The following NOTCH3 variants were observed in gnomAD, a reference collection of about 807,000 sequenced individuals.
NOTCH3 encodes neurogenic locus notch homolog protein 3.
NOTCH3 carries 86 observed loss-of-function variants against 213.3 expected under a neutral mutation model. The ratio of observed to expected loss-of-function variants is 0.40; its 90% CI spans 0.34 to 0.48. The LOEUF is 0.48. Ranked by LOEUF, NOTCH3 falls within the 20% of genes least tolerant of loss-of-function variation. NOTCH3 has a pLI of 0.57. For synonymous variants in NOTCH3, 1,354 were observed against 1,355.9 expected (o/e 1.00, Z 0.03); for missense variants, 2,783 against 3,272.6 (o/e 0.85, Z 3.65).
chr19:15,183,122 T>C (rs2046853303), intron 16 of NOTCH3, among the ~76,000 whole-genome samples: 1 of 152,034 alleles, frequency 6.6e-6, no homozygotes, highest in Non-Finnish European at 1.5e-5. Context: ...AGGCATGTAG[T>C]GAGTGCCTGT....
At chr19:15,184,530 C>G (rs2046865867) in intron 15 of NOTCH3, 80 bp from the exon 16 acceptor site, 2 of 1,441,184 alleles carry the variant, frequency 1.4e-6, no homozygotes. Flanking sequence ...CAGGAAGAAC[C>G]TGCAGGCCGA....
intron 5 of NOTCH3, 28 bp downstream of exon 5, chr19:15,191,717 C>G: frequency 1.2e-6 from 2 of 1,613,692 alleles, no homozygotes; most frequent in Non-Finnish European, 1.7e-6. Flanking sequence ...AGGCCTGCCT[C>G]CCCGCTCCCT....
At chr19:15,186,726 C>T in intron 12 of NOTCH3, 152 bp downstream of exon 12, 1 of 731,294 alleles carries the variant, frequency 1.4e-6, no homozygotes. Flanking sequence ...CTCGAAACAA[C>T]CTTATGCCAA....
chr19:15,177,497 G>C (rs761439651), intron 24 of NOTCH3, 28 bp downstream of exon 24: 1 of 1,593,700 alleles, frequency 6.3e-7, no homozygotes, highest in African/African-American at 1.3e-5. Flanking sequence ...TGCATAGACA[G>C]ACGGATCGAT....
Position 15,181,728 on chromosome 19 carries a change from G to C in NOTCH3, c.2640C>G (p.Ala880=). 6.4e-7 allele frequency: 1 copy of C among 1,572,660 alleles called. No individual in the cohort carries two copies. Among genetic ancestry groups the C allele is most frequent in the South Asian group, 1.2e-5 (1 of 85,744 alleles). ...SFSCSCLPGF[A]GPRCARDVDE... ...CCACATCGCGGGCGCATCGTGGGCCGGCGAAACCAGGGAGGCAGGAGCAGG... is the reference window on the plus strand; with the variant it reads ...CCACATCGCGGGCGCATCGTGGGCCCGCGAAACCAGGGAGGCAGGAGCAGG... The change falls in exon 17 of 33, where the codon GCC becomes GCG. Residue 880 remains alanine, a synonymous_variant. Transcript: ENST00000263388.
At chr19:15,197,738 C>A (rs940544338) in intron 1 of NOTCH3, among the ~76,000 whole-genome samples, 160 bp from the exon 2 acceptor site, 50 of 69,244 alleles carry the variant, frequency 7.2e-4, no homozygotes, top group African/African-American at 1.9e-3. Context: ...TCCCACGCCC[C>A]CCCCCCCCCC....
Position 15,165,710 on chromosome 19 carries a change from G to C in NOTCH3, c.5667+77C>G, listed in dbSNP as rs1400041596. ...CAAATGAGAAAAAATGAGTCTGAAAGGCAGAACTGGGGCTCAAACCCAGGT... is the reference window on the plus strand; with the variant it reads ...CAAATGAGAAAAAATGAGTCTGAAACGCAGAACTGGGGCTCAAACCCAGGT... On this transcript the variant is annotated intron_variant, in intron 30 of 32. Coordinates refer to ENST00000263388, the MANE Select transcript of NOTCH3 (RefSeq NM_000435.3). This position sits in a 1 kb window ranked among gnomAD's most constrained non-coding sequence, Gnocchi z 4.7. The C allele has an allele frequency of 7.2e-6, 11 of 1,534,776 alleles. No homozygotes were observed. The highest frequency in any genetic ancestry group is 9.8e-6 in the Non-Finnish European group (11 of 1,125,548).
At chr19:15,176,159 A>ATTTTTTTT (rs34620350) in intron 24 of NOTCH3, among the ~76,000 whole-genome samples, 1 of 119,980 alleles carries the variant, frequency 8.3e-6, no homozygotes. Context: ...AACAAAAGCA[A>ATTTTTTTT]TTTTTTTTTT....
In NOTCH3 at chr19:15,162,773, TTG is replaced by T. The variant is rs770008525; in HGVS notation, c.5816-213_5816-212del. Among the ~76,000 whole-genome samples the T allele has an allele frequency of 1.3e-3, 7 of 5,222 alleles. No individual in the cohort carries two copies. In the East Asian group the frequency reaches 0.022, roughly 17 times the overall value. 3.4% of individuals were successfully genotyped at this position (5,222 alleles called of 152,430 possible). ...GCACTTTGTGTCTGTGTGTGTGTGT[TTG>T]TGTGTGTGTGTGTGTGTGCGTGCAT... On this transcript the variant is annotated intron_variant, in intron 31 of 32. Transcript: ENST00000263388.
At chr19:15,188,438 C>A in intron 8 of NOTCH3, 90 bp from the exon 9 acceptor site, 1 of 831,586 alleles carries the variant, frequency 1.2e-6, no homozygotes, top group Non-Finnish European at 2.0e-6. Context: ...TCCTACTCAT[C>A]GACAAATCCC....
intron 20 of NOTCH3, 89 bp from the exon 21 acceptor site, chr19:15,179,585 C>A: frequency 7.1e-7 from 1 of 1,415,868 alleles, no homozygotes; most frequent in Admixed American, 1.8e-5. Flanking sequence ...AACCCCAGCA[C>A]AAAAGGACAC....
chr19:15,189,356 G>A lies in NOTCH3; in HGVS notation c.1109C>T (p.Pro370Leu), dbSNP rs778814028. 6.2e-7 allele frequency: 1 copy of A among 1,613,970 alleles called. No homozygotes were observed. Among genetic ancestry groups the A allele is most frequent in the Non-Finnish European group, 8.5e-7 (1 of 1,180,022 alleles). Residue 370 changes from proline (P) to leucine (L), a missense_variant, in exon 7 of 33, where the codon CCG (proline) becomes CTG (leucine). This residue lies in a region of NOTCH3 where 708 missense variants were observed against 906.6 expected (regional missense o/e 0.78). Transcript: ENST00000263388. ...CHEDAICDTNPVNGRAICTCP... is the reference protein window; with the variant it reads ...CHEDAICDTNLVNGRAICTCP... ...GGTGCAAATGGCCCGGCCGTTCACC[G>A]GATTTGTGTCACAGATAGCATCCTC...
intron 25 of NOTCH3, among the ~76,000 whole-genome samples, chr19:15,173,294 C>T (rs564070466): frequency 2.9e-4 from 44 of 149,916 alleles, no homozygotes; most frequent in Admixed American, 8.0e-4. Context: ...TGGTGGCGGC[C>T]GCCTGTAGTC....
chr19:15,183,553 C>T (rs909064174), intron 16 of NOTCH3, among the ~76,000 whole-genome samples: 2 of 152,282 alleles, frequency 1.3e-5, no homozygotes, highest in African/African-American at 4.8e-5. Flanking sequence ...GCATGCGCCA[C>T]CATGCCCTGC....
intron 16 of NOTCH3, among the ~76,000 whole-genome samples, chr19:15,183,572 T>C (rs1371063728): frequency 2.6e-5 from 4 of 152,142 alleles, no homozygotes; most frequent in African/African-American, 9.7e-5. Context: ...GCTAATTTTG[T>C]ATTTTTAGTA....
Position 15,159,993 on chromosome 19 carries a change from C to T in NOTCH3, c.*669G>A, listed in dbSNP as rs1337445958. ...CCCCAGCAAGGCTATGGAACATGTC[C>T]CATCTGGAATGCAGTGAAGTGAGGG... On this transcript the variant is annotated 3_prime_UTR_variant, in exon 33 of 33. Coordinates refer to ENST00000263388, the MANE Select transcript of NOTCH3 (RefSeq NM_000435.3). 4.3e-6 allele frequency: 1 copy of T among 231,236 alleles called. No individual in the cohort carries two copies. The highest frequency in any genetic ancestry group is 8.6e-6 in the Non-Finnish European group (1 of 116,390). The allele number at this position is 231,236 out of a possible 1,614,324, so 14.3% of individuals were successfully genotyped here.
rs200397761 is a variant in NOTCH3 at position 15,174,467 on chromosome 19, CA to C, written c.4404-68del. The C allele has an allele frequency of 1.7e-3, 2,017 of 1,154,308 alleles. 26 individuals carry two copies. In the African/African-American group the frequency reaches 0.027, roughly 15 times the overall value. The allele number at this position is 1,154,308 out of a possible 1,614,324, so 71.5% of individuals were successfully genotyped here. A position where few individuals can be genotyped will look rare whatever the true frequency, so the allele number is the denominator to read the frequency against. On this transcript the variant is annotated intron_variant, in intron 24 of 32. Transcript: ENST00000263388. ...TCAGAGGAGACAATCCCCTTCCATG[CA>C]TTCACACCGTAGAGTACAGAGACTC...
chr19:15,167,643 T>C (rs1362732546), intron 28 of NOTCH3, among the ~76,000 whole-genome samples: 2 of 152,138 alleles, frequency 1.3e-5, no homozygotes. Context: ...AACCCCCGCC[T>C]CCCGGGTTCA....
At chr19:15,190,638 C>A (rs10404584) in intron 6 of NOTCH3, among the ~76,000 whole-genome samples, 1 of 152,106 alleles carries the variant, frequency 6.6e-6, no homozygotes, top group Non-Finnish European at 1.5e-5. Context: ...CAGGCTGGAA[C>A]GCAGTGGCTC....
Sources: gnomAD v4.1 joint callset for allele counts (sites outside exome capture counted in the v4.1 genomes callset) on GRCh38, gnomAD v4.1.1 for gene constraint, gnomAD v4.1.1 regional missense constraint, Gnocchi (gnomAD v3.1) non-coding constraint, MANE v1.5 for transcripts, NCBI Gene and HGNC (gene_info 2026-07-23, HGNC 2026-07-21) for gene names.